The following SLC27A2 variants were observed in gnomAD, a reference collection of about 807,000 sequenced individuals.
SLC27A2 encodes the protein long-chain fatty acid transport protein 2.
Under a neutral mutation model 60.0 loss-of-function variants are expected in SLC27A2, and 54 were observed. That is an observed-to-expected ratio of 0.90 (90% CI 0.72 to 1.13). SLC27A2 has a LOEUF of 1.13. Among genes scored for constraint, SLC27A2 ranks in the 50% most tolerant of loss-of-function variants. The probability of loss-of-function intolerance (pLI) is 0.00; values close to 1 mark genes in which losing one functional copy is unlikely to be tolerated. For synonymous variants in SLC27A2, 297 were observed against 297.6 expected (o/e 1.00, Z 0.02); for missense variants, 739 against 777.6 (o/e 0.95, Z 0.59).
At chr15:50,201,801 C>A (rs539835442) in intron 2 of SLC27A2, among the ~76,000 whole-genome samples, 1 of 152,020 alleles carries the variant, frequency 6.6e-6, no homozygotes, top group Non-Finnish European at 1.5e-5. Context: ...GTGATCCGCC[C>A]GCCTCAGCCT....
At chr15:50,210,068 G>A (rs2045142846) in intron 4 of SLC27A2, among the ~76,000 whole-genome samples, 1 of 152,206 alleles carries the variant, frequency 6.6e-6, no homozygotes, top group Non-Finnish European at 1.5e-5. Context: ...GTGGGATGAA[G>A]TGTCAGACTT....
Position 50,197,672 on chromosome 15 carries a change from C to T in SLC27A2, c.651C>T (p.Ser217=), listed in dbSNP as rs2045034699. The T allele has an allele frequency of 6.2e-7, 1 of 1,613,944 alleles. No homozygotes were observed. Among genetic ancestry groups the T allele is most frequent in the Non-Finnish European group, 8.5e-7 (1 of 1,179,902 alleles). ...PESWRSEVTF[S]TPALYIYTSG... is the part of the protein sequence containing the mutation. The stretch of plus-strand genomic sequence containing the variant: ...CATGGAGGTCTGAAGTCACTTTTTC[C>T]ACTCCTGCCTTATACATTTATACTT... The change falls in exon 2 of 10, where the codon TCC becomes TCT. Residue 217 remains serine (S), a synonymous_variant. Coordinates refer to ENST00000267842, the MANE Select transcript of SLC27A2 (RefSeq NM_003645.4).
At chr15:50,228,129 G>C (rs988072974) in intron 7 of SLC27A2, among the ~76,000 whole-genome samples, 1 of 152,152 alleles carries the variant, frequency 6.6e-6, no homozygotes. Context: ...TGTAATCCCA[G>C]CAGTTTGGGA....
At chr15:50,192,779 A>G (rs2044984248) in intron 1 of SLC27A2, among the ~76,000 whole-genome samples, 1 of 63,748 alleles carries the variant, frequency 1.6e-5, no homozygotes, top group Non-Finnish European at 3.2e-5. Flanking sequence ...CTGTAAGTAC[A>G]TTTTTCTTAA....
chr15:50,182,314 G>T lies in SLC27A2; in HGVS notation c.-114G>T. On this transcript the variant is annotated 5_prime_UTR_variant, in exon 1 of 10. Transcript: ENST00000267842. ...TCATCTCACGCGAGCCCGGCGTCCC[G>T]CCGCGTGCGCCCCGGCGCAGCCCGC... is the stretch of plus-strand genomic sequence containing the variant. The T allele has an allele frequency of 7.5e-7, 1 of 1,324,574 alleles. No homozygotes were observed. The highest frequency in any genetic ancestry group is 2.3e-5 in the South Asian group (1 of 43,376). 82.1% of individuals were successfully genotyped at this position (1,324,574 alleles called of 1,614,324 possible). A position where few individuals can be genotyped will look rare whatever the true frequency, so the allele number is the denominator to read the frequency against.
At chr15:50,190,585 C>T (rs1411485833) in intron 1 of SLC27A2, among the ~76,000 whole-genome samples, 1 of 148,190 alleles carries the variant, frequency 6.7e-6, no homozygotes, top group Admixed American at 6.9e-5. Context: ...TAGCAATGGA[C>T]TTGTTTATTC....
chr15:50,187,209 C>T (rs930800324), intron 1 of SLC27A2, among the ~76,000 whole-genome samples: 7 of 152,178 alleles, frequency 4.6e-5, no homozygotes, highest in Admixed American at 1.3e-4. Context: ...GAGAATATGA[C>T]TTTCTCTCTG....
intron 1 of SLC27A2, among the ~76,000 whole-genome samples, chr15:50,190,076 A>G (rs1022723528): frequency 6.6e-6 from 1 of 152,144 alleles, no homozygotes. Context: ...TTGTGTGGGG[A>G]AGAAGGAGGA....
In SLC27A2 at chr15:50,191,940, A is replaced by G. The variant is rs559362403; in HGVS notation, c.479-5560A>G. Among the ~76,000 whole-genome samples, 3 of 152,052 alleles carry G rather than the reference A, an allele frequency of 2.0e-5. No individual in the cohort carries two copies. The South Asian group carries it at 6.3e-4, about 32-fold the overall frequency. ...CCGGGCATGGTGACAGCCGCCTGTA[A>G]TCCCAGCTACTCGGGAGGCTGAGGC... is the stretch of plus-strand genomic sequence containing the variant. On this transcript the variant is annotated intron_variant, in intron 1 of 9. Transcript: ENST00000267842.
At chr15:50,230,993 G>A (rs1034243851) in intron 8 of SLC27A2, among the ~76,000 whole-genome samples, 2 of 152,084 alleles carry the variant, frequency 1.3e-5, no homozygotes, top group African/African-American at 2.4e-5. Context: ...TCTGGGGTGG[G>A]GCCAGGAAAC....
Position 50,197,624 on chromosome 15 carries a change from A to G in SLC27A2, c.603A>G (p.Val201=), listed in dbSNP as rs892417185. ...CTTTCCTGGACAAAGTGGATGAAGT[A>G]TCAACTGAACCTATCCCAGAGTCAT... ...IDSFLDKVDE[V]STEPIPESWR... The change falls in exon 2 of 10, where the codon GTA becomes GTG. Residue 201 remains valine, a synonymous_variant. Coordinates refer to ENST00000267842, the MANE Select transcript of SLC27A2 (RefSeq NM_003645.4). The G allele has an allele frequency of 6.2e-7, 1 of 1,614,144 alleles. No individual in the cohort carries two copies. The highest frequency in any genetic ancestry group is 1.3e-5 in the African/African-American group (1 of 75,064).
rs567595205 is a variant in SLC27A2 at position 50,182,691 on chromosome 15, C to T, written c.264C>T (p.Ser88=). The change falls in exon 1 of 10, where the codon AGC becomes AGT. Residue 88 remains serine (S), a synonymous_variant. Transcript: ENST00000267842. ...TLTYAQVDRR[S]NQVARALHDH... is the part of the protein sequence containing the mutation. ...CCTACGCGCAGGTGGACCGGCGCAG[C>T]AATCAAGTGGCCCGGGCGCTGCACG... is the stretch of plus-strand genomic sequence containing the variant. 2 of 1,613,926 alleles carry T rather than the reference C, an allele frequency of 1.2e-6. No individual in the cohort carries two copies. Among genetic ancestry groups the T allele is most frequent in the Admixed American group, 1.7e-5 (1 of 60,022 alleles).
At position 50,202,529 on chromosome 15, in the gene SLC27A2, A is replaced by G. The variant is rs2140902255; in HGVS notation, c.731A>G (p.Tyr244Cys). The stretch of plus-strand genomic sequence containing the variant: ...ATGATCACTCATCAGCGCATATGGT[A>G]TGGAACTGGCCTCACTTTTGTAAGC... Reference protein sequence around the residue: ...AAMITHQRIWYGTGLTFVSGL... With the variant: ...AAMITHQRIWCGTGLTFVSGL... Residue 244 changes from tyrosine (Y) to cysteine (C), a missense_variant, in exon 3 of 10, where the codon TAT becomes TGT. Tyr to Cys is a radical substitution (Grantham distance 194). Transcript: ENST00000267842. 1 of 1,614,196 alleles carries G rather than the reference A, an allele frequency of 6.2e-7. No homozygotes were observed. Among genetic ancestry groups the G allele is most frequent in the Non-Finnish European group, 8.5e-7 (1 of 1,180,014 alleles).
chr15:50,205,116 A>G, intron 3 of SLC27A2, 123 bp from the exon 4 acceptor site: 5 of 1,213,992 alleles, frequency 4.1e-6, no homozygotes, highest in Non-Finnish European at 5.7e-6. Flanking sequence ...TAAGGTACTC[A>G]ATACTTGTTT....
chr15:50,230,515 C>A (rs553725547), intron 8 of SLC27A2, among the ~76,000 whole-genome samples: 5 of 152,168 alleles, frequency 3.3e-5, no homozygotes, highest in African/African-American at 1.2e-4. Flanking sequence ...TGCACTCCAG[C>A]CTGGGTGACA....
chr15:50,183,420 A>G (rs2044887916), intron 1 of SLC27A2, among the ~76,000 whole-genome samples: 1 of 152,088 alleles, frequency 6.6e-6, no homozygotes, highest in South Asian at 2.1e-4. Flanking sequence ...GGCAGGCTTC[A>G]ATGTTGCTTC....
intron 4 of SLC27A2, among the ~76,000 whole-genome samples, chr15:50,212,210 G>C (rs7165671): frequency 0.34 from 51,240 of 151,666 alleles, 8,878 homozygotes; most frequent in African/African-American, 0.41. Context: ...TTCAGAGCTC[G>C]AAGTCAAGGT....
chr15:50,187,304 A>G (rs1222311905), intron 1 of SLC27A2, among the ~76,000 whole-genome samples: 2 of 152,244 alleles, frequency 1.3e-5, no homozygotes, highest in African/African-American at 4.8e-5. Flanking sequence ...AAGAACCTGT[A>G]TCAATGTTGT....
chr15:50,189,059 A>G (rs114241945), intron 1 of SLC27A2, among the ~76,000 whole-genome samples: 1,727 of 151,952 alleles, frequency 0.011, 29 homozygotes, highest in African/African-American at 0.04. Context: ...ACATACATAC[A>G]TAATGGATAG....
Sources: gnomAD v4.1 joint callset for allele counts (sites outside exome capture counted in the v4.1 genomes callset) on GRCh38, gnomAD v4.1.1 for gene constraint, MANE v1.5 for transcripts, NCBI Gene and HGNC (gene_info 2026-07-23, HGNC 2026-07-21) for gene names.